Variants in CFAP54 observed in about 807,000 individuals in gnomAD.
CFAP54 encodes cilia- and flagella-associated protein 54.
In CFAP54, 290 loss-of-function variants were observed where a neutral mutation model predicts 370.4. That is an observed-to-expected ratio of 0.78 (90% CI 0.71 to 0.86). CFAP54 has a LOEUF of 0.86. Among genes scored for constraint, CFAP54 ranks in the 40% least tolerant of loss-of-function variants. The pLI, the probability that CFAP54 is intolerant of heterozygous loss-of-function variation, is 0.00. For synonymous variants in CFAP54, 1,206 were observed against 1,236.5 expected (o/e 0.98, Z 0.52); for missense variants, 3,399 against 3,528.7 (o/e 0.96, Z 0.93).
At chr12:96,848,287 C>G (rs948949675) in intron 66 of CFAP54, among the ~76,000 whole-genome samples, 5 of 152,098 alleles carry the variant, frequency 3.3e-5, no homozygotes, top group Non-Finnish European at 7.4e-5. Flanking sequence ...GTTGGCCAGA[C>G]TGGTCTTGAA....
chr12:96,684,463 A>G (rs1379472193), intron 40 of CFAP54, among the ~76,000 whole-genome samples, 185 bp from the exon 41 acceptor site: 6 of 152,162 alleles, frequency 3.9e-5, no homozygotes, highest in Non-Finnish European at 2.9e-5. Flanking sequence ...TCTGTAATCA[A>G]ACAGAACGTT....
chr12:96,513,976 C>T (rs1328684723), intron 5 of CFAP54, among the ~76,000 whole-genome samples: 1 of 152,178 alleles, frequency 6.6e-6, no homozygotes, highest in Non-Finnish European at 1.5e-5. Context: ...AGTCACTGCT[C>T]AGTGTTAGCT....
At chr12:96,817,168 TTTC>T (rs1326143463) in intron 64 of CFAP54, among the ~76,000 whole-genome samples, 2 of 152,234 alleles carry the variant, frequency 1.3e-5, no homozygotes, top group Non-Finnish European at 2.9e-5. Context: ...AGATAATTAT[TTTC>T]TTTATTTTCA....
rs531545278 is a variant in CFAP54, at chr12:96,756,339, A to G, written c.7841-119A>G. ...TTGGCTTACCTTCTGGAAGAAATAG[A>G]CAGACATACAAAAGGACAGCACATC... On this transcript the variant is annotated intron_variant, in intron 56 of 67. Transcript: ENST00000524981. 9 of 608,816 alleles carry G rather than the reference A, an allele frequency of 1.5e-5. 1 individual carries two copies. The African/African-American group carries it at 1.7e-4, about 12-fold the overall frequency. The allele number at this position is 608,816 out of a possible 1,614,324, so 37.7% of individuals were successfully genotyped here.
At chr12:96,728,197 G>GT (rs1390173435) in intron 50 of CFAP54, among the ~76,000 whole-genome samples, 1 of 151,840 alleles carries the variant, frequency 6.6e-6, no homozygotes, top group Non-Finnish European at 1.5e-5. Flanking sequence ...GGCATTCTCT[G>GT]TATTTCCTGA....
chr12:96,775,010 A>C (rs1958501919), intron 60 of CFAP54, among the ~76,000 whole-genome samples: 1 of 152,214 alleles, frequency 6.6e-6, no homozygotes, highest in Admixed American at 6.5e-5. Context: ...ATAGTCAGAT[A>C]GTAAATATTT....
chr12:96,802,376 C>T (rs747189492), intron 63 of CFAP54, among the ~76,000 whole-genome samples: 3 of 152,084 alleles, frequency 2.0e-5, no homozygotes, highest in Admixed American at 6.6e-5. Flanking sequence ...AGTTCAAGGC[C>T]CACCCAGCTA....
intron 63 of CFAP54, among the ~76,000 whole-genome samples, chr12:96,801,979 C>A (rs1468477349): frequency 6.6e-6 from 1 of 152,064 alleles, no homozygotes; most frequent in Non-Finnish European, 1.5e-5. Flanking sequence ...GAGAAGTGAG[C>A]GGACCACACT....
chr12:96,783,066 A>G (rs1023164979), intron 60 of CFAP54, among the ~76,000 whole-genome samples: 2 of 152,216 alleles, frequency 1.3e-5, no homozygotes, highest in African/African-American at 4.8e-5. Context: ...GAAAAAGAAA[A>G]TCATAGGTAA....
At chr12:96,659,575 A>G (rs1956967828) in intron 38 of CFAP54, among the ~76,000 whole-genome samples, 1 of 152,200 alleles carries the variant, frequency 6.6e-6, no homozygotes, top group African/African-American at 2.4e-5. Flanking sequence ...ATAAAATATC[A>G]TTTTTAGTAT....
At chr12:96,634,309 C>G (rs2136479649) in intron 32 of CFAP54, among the ~76,000 whole-genome samples, 1 of 152,030 alleles carries the variant, frequency 6.6e-6, no homozygotes, top group Middle Eastern at 3.4e-3. Context: ...TTGCTTCAGC[C>G]TCCCAAAGTG....
intron 66 of CFAP54, among the ~76,000 whole-genome samples, chr12:96,843,381 C>T (rs1472508792): frequency 6.6e-6 from 1 of 152,152 alleles, no homozygotes; most frequent in Non-Finnish European, 1.5e-5. Context: ...CTTGCTATAA[C>T]TTTGCTGCTG....
chr12:96,662,198 A>G (rs1312562289), intron 38 of CFAP54, among the ~76,000 whole-genome samples: 1 of 151,894 alleles, frequency 6.6e-6, no homozygotes, highest in African/African-American at 2.4e-5. Context: ...AGCCTATAAT[A>G]TATTCTTTTT....
chr12:96,806,206 ATATATAT>A lies in CFAP54; in HGVS notation c.8851-5529_8851-5523del, dbSNP rs1565984937. ...TATATATATATATATATATATATATATATATATAATAACAACATAAAAAGAAAGTTGG... is the reference window on the plus strand; with the variant it reads ...TATATATATATATATATATATATATAAATAACAACATAAAAAGAAAGTTGG... On this transcript the variant is annotated intron_variant, in intron 63 of 67. Coordinates refer to ENST00000524981, the MANE Select transcript of CFAP54 (RefSeq NM_001306084.2). 2.6e-3 allele frequency among the ~76,000 whole-genome samples: 237 copies of A among 90,486 alleles called. 18 individuals are homozygous for A. The highest frequency in any genetic ancestry group is 7.3e-3 in the South Asian group (15 of 2,068). The allele number at this position is 90,486 out of a possible 152,430, so 59.4% of individuals were successfully genotyped here.
chr12:96,572,345 TAAAGC>T (rs1028531689), intron 19 of CFAP54, among the ~76,000 whole-genome samples: 4 of 151,732 alleles, frequency 2.6e-5, no homozygotes, highest in African/African-American at 9.7e-5. Context: ...GTGTGGATCT[TAAAGC>T]AGAGAAGAGG....
intron 47 of CFAP54, among the ~76,000 whole-genome samples, chr12:96,705,392 AC>A (rs1957536539): frequency 6.6e-6 from 1 of 151,534 alleles, no homozygotes; most frequent in African/African-American, 2.4e-5. Context: ...CACAAAGTTC[AC>A]TTTTAATTAT....
In CFAP54 at chr12:96,720,552, C is replaced by G. The variant is rs983478862; in HGVS notation, c.6952C>G (p.Arg2318Gly). The G allele has an allele frequency of 1.3e-6, 2 of 1,551,446 alleles. No homozygotes were observed. Among genetic ancestry groups the G allele is most frequent in the Non-Finnish European group, 1.7e-6 (2 of 1,145,154 alleles). The change falls in exon 50 of 68, where the codon CGG becomes GGG. Residue 2318 changes from arginine (R) to glycine (G), a missense_variant. Physicochemically the swap from Arg to Gly is moderately radical, Grantham distance 125 (BLOSUM62 -2). Around this residue, in one of 3 missense-constraint regions of CFAP54, gnomAD observed 2,796 missense variants for 2,869.7 expected, o/e 0.97. Transcript: ENST00000524981. ...GGCTGCAGTTGCTCTGCAGAGGCAC[C>G]GGGCGGCATACAGGTGCGTCTCTCC... ...QLAAVALQRH[R>G]AAYSAAIVFS... is the part of the protein sequence containing the mutation.
intron 39 of CFAP54, 77 bp downstream of exon 39, chr12:96,664,009 C>G: frequency 2.0e-6 from 2 of 1,012,074 alleles, no homozygotes; most frequent in East Asian, 2.5e-5. Flanking sequence ...GTCAAACCTT[C>G]CATAATTAGT....
At chr12:96,855,787 G>C (rs1267337385) in intron 66 of CFAP54, among the ~76,000 whole-genome samples, 1 of 152,198 alleles carries the variant, frequency 6.6e-6, no homozygotes, top group African/African-American at 2.4e-5. Flanking sequence ...GCCGTCAGTG[G>C]ATCTACCCTT....
Sources: allele counts gnomAD v4.1 joint callset (sites outside exome capture counted in the v4.1 genomes callset), GRCh38; gene constraint gnomAD v4.1.1; regional missense constraint gnomAD v4.1.1; transcripts MANE v1.5; gene names NCBI Gene and HGNC (gene_info 2026-07-23, HGNC 2026-07-21).